SAMD3: variants seen among roughly 807,000 people sequenced by gnomAD.
SAMD3 encodes sterile alpha motif domain-containing protein 3.
In SAMD3, 63 loss-of-function variants were observed where a neutral mutation model predicts 58.5. The ratio of observed to expected loss-of-function variants is 1.08; its 90% CI spans 0.88 to 1.33. The LOEUF (loss-of-function observed/expected upper bound fraction) is 1.33. Among genes scored for constraint, SAMD3 ranks in the 40% most tolerant of loss-of-function variants. The pLI is 0.00. For missense variants in SAMD3, 604 were observed against 608.4 expected (o/e 0.99, Z 0.08); for synonymous variants, 220 against 210.3 (o/e 1.05, Z -0.40).
intron 8 of SAMD3, among the ~76,000 whole-genome samples, chr6:130,173,701 T>A (rs1791450022): frequency 1.3e-5 from 2 of 152,192 alleles, no homozygotes. Context: ...GCAGAGCTGG[T>A]GCGCTGTGCT....
At chr6:130,287,042 A>G (rs1030936767) in intron 2 of SAMD3, among the ~76,000 whole-genome samples, 2 of 152,092 alleles carry the variant, frequency 1.3e-5, no homozygotes, top group South Asian at 2.1e-4. Flanking sequence ...TCCTTCCCCT[A>G]AACATTTGCC....
chr6:130,168,519 C>G (rs187104828), intron 8 of SAMD3, among the ~76,000 whole-genome samples: 2 of 152,078 alleles, frequency 1.3e-5, no homozygotes, highest in African/African-American at 4.8e-5. Context: ...CCCATCAGAC[C>G]ACCAAAGGAA....
At chr6:130,292,030 A>C (rs1373798362) in intron 2 of SAMD3, among the ~76,000 whole-genome samples, 6 of 152,236 alleles carry the variant, frequency 3.9e-5, no homozygotes, top group Admixed American at 2.6e-4. Context: ...TCTAATACTT[A>C]ATCTGTTTTC....
intron 2 of SAMD3, among the ~76,000 whole-genome samples, chr6:130,242,496 A>C (rs1397790239): frequency 6.6e-6 from 1 of 152,196 alleles, no homozygotes; most frequent in Non-Finnish European, 1.5e-5. Context: ...TAAACAAGAC[A>C]TTTTGGATAG....
At chr6:130,328,597 C>A (rs987088435) in intron 1 of SAMD3, among the ~76,000 whole-genome samples, 3 of 152,196 alleles carry the variant, frequency 2.0e-5, no homozygotes, top group African/African-American at 7.2e-5. Context: ...AACCCAAAAG[C>A]AAGCTTGGTC....
chr6:130,206,018 C>T (rs954216793), intron 5 of SAMD3, among the ~76,000 whole-genome samples: 1 of 152,144 alleles, frequency 6.6e-6, no homozygotes, highest in Non-Finnish European at 1.5e-5. Flanking sequence ...GATGGTGGGA[C>T]CACCATCTGA....
intron 5 of SAMD3, among the ~76,000 whole-genome samples, chr6:130,193,329 AT>A (rs1463224016): frequency 1.3e-5 from 2 of 151,662 alleles, no homozygotes; most frequent in East Asian, 3.9e-4. Context: ...CCCCAACCTC[AT>A]ATCTCTGCTC....
At chr6:130,330,537 T>C (rs969961696) in intron 1 of SAMD3, among the ~76,000 whole-genome samples, 10 of 152,284 alleles carry the variant, frequency 6.6e-5, no homozygotes, top group African/African-American at 1.9e-4. Flanking sequence ...TAGTTTAGAA[T>C]AGGGAAAGGG....
intron 5 of SAMD3, among the ~76,000 whole-genome samples, chr6:130,197,923 A>G (rs1469651355): frequency 1.3e-5 from 2 of 152,024 alleles, no homozygotes; most frequent in Non-Finnish European, 2.9e-5. Context: ...TCCACCACAA[A>G]AGAAGTGAAA....
chr6:130,199,704 T>C (rs1466536337), intron 5 of SAMD3, among the ~76,000 whole-genome samples: 1 of 152,210 alleles, frequency 6.6e-6, no homozygotes, highest in Non-Finnish European at 1.5e-5. Flanking sequence ...CAAGGTGAGA[T>C]GCTGTCTCTG....
intron 2 of SAMD3, among the ~76,000 whole-genome samples, chr6:130,309,172 G>A (rs147790405): frequency 7.9e-4 from 121 of 152,288 alleles, no homozygotes; most frequent in African/African-American, 2.8e-3. Context: ...TGCATGTAGA[G>A]TACTTGATAT....
intron 7 of SAMD3, among the ~76,000 whole-genome samples, chr6:130,179,632 A>G (rs1400544319): frequency 2.0e-5 from 3 of 151,976 alleles, no homozygotes; most frequent in Non-Finnish European, 2.9e-5. Context: ...TTAAAGAGAC[A>G]TAATAACGAA....
At chr6:130,209,040 T>TA (rs1795316971) in intron 5 of SAMD3, among the ~76,000 whole-genome samples, 1 of 152,128 alleles carries the variant, frequency 6.6e-6, no homozygotes, top group Non-Finnish European at 1.5e-5. Flanking sequence ...TGTAGGAACA[T>TA]AGAGAAAATG....
chr6:130,171,718 T>C, intron 8 of SAMD3, among the ~76,000 whole-genome samples: 1 of 152,224 alleles, frequency 6.6e-6, no homozygotes, highest in Non-Finnish European at 1.5e-5. Context: ...CAGATATCTA[T>C]TAGGTCCACT....
intron 7 of SAMD3, among the ~76,000 whole-genome samples, chr6:130,180,038 C>T (rs1792135213): frequency 6.6e-6 from 1 of 151,858 alleles, no homozygotes; most frequent in South Asian, 2.1e-4. Flanking sequence ...TGGTCTTGAA[C>T]TCCTGACCTC....
chr6:130,242,403 T>C (rs1773389509), intron 2 of SAMD3, among the ~76,000 whole-genome samples: 1 of 152,242 alleles, frequency 6.6e-6, no homozygotes, highest in Non-Finnish European at 1.5e-5. Context: ...TGGCAGTAGT[T>C]TGCCAATCCC....
intron 1 of SAMD3, among the ~76,000 whole-genome samples, chr6:130,313,253 G>A (rs950661104): frequency 1.3e-5 from 2 of 152,078 alleles, no homozygotes; most frequent in Non-Finnish European, 1.5e-5. Flanking sequence ...TCTTAATGTT[G>A]GCACTATTGA....
intron 5 of SAMD3, among the ~76,000 whole-genome samples, chr6:130,198,002 A>G (rs1426045055): frequency 6.6e-6 from 1 of 152,078 alleles, no homozygotes; most frequent in Non-Finnish European, 1.5e-5. Context: ...ATCCTGGCTC[A>G]AAAGCTCCCC....
At chr6:130,207,134 G>C (rs868226591) in intron 5 of SAMD3, among the ~76,000 whole-genome samples, 9 of 137,584 alleles carry the variant, frequency 6.5e-5, no homozygotes, top group Admixed American at 6.2e-4. Context: ...GGGTGATAGA[G>C]AGATGGTGAT....
Sources: gnomAD v4.1 joint callset for allele counts (sites outside exome capture counted in the v4.1 genomes callset) on GRCh38, gnomAD v4.1.1 for gene constraint, MANE v1.5 for transcripts, NCBI Gene and HGNC (gene_info 2026-07-23, HGNC 2026-07-21) for gene names.